FDFT1: variants seen among roughly 807,000 people sequenced by gnomAD.
FDFT1 encodes the protein farnesyl-diphosphate farnesyltransferase 1.
A neutral mutation model predicts 46.8 loss-of-function variants in FDFT1; 68 were observed. That is an observed-to-expected ratio of 1.45 (90% confidence interval 1.19 to 1.78). The LOEUF is 1.78. Among genes scored for constraint, FDFT1 ranks in the 40% most tolerant of loss-of-function variants. The pLI, the probability that FDFT1 is intolerant of heterozygous loss-of-function variation, is 0.00. For missense variants in FDFT1, 928 were observed against 524.4 expected (o/e 1.77, Z -7.52); for synonymous variants, 351 against 185.1 (o/e 1.90, Z -7.28).
intron 5 of FDFT1, among the ~76,000 whole-genome samples, chr8:11,826,630 ATC>A (rs2130845421): frequency 6.6e-6 from 1 of 152,320 alleles, no homozygotes; most frequent in Admixed American, 6.5e-5. Flanking sequence ...CCTGGCCAAC[ATC>A]GTGAAACCCC....
intron 3 of FDFT1, among the ~76,000 whole-genome samples, chr8:11,815,422 C>G (rs539322874): frequency 2.0e-5 from 3 of 152,162 alleles, no homozygotes; most frequent in African/African-American, 4.8e-5. Flanking sequence ...ATTTCTAGTT[C>G]TAGATCCTTG....
intron 3 of FDFT1, among the ~76,000 whole-genome samples, chr8:11,812,964 A>G (rs1563308791): frequency 6.6e-6 from 1 of 152,214 alleles, no homozygotes; most frequent in East Asian, 1.9e-4. Context: ...TTCTGTGAAC[A>G]TCATAGAGTG....
At chr8:11,833,993 T>C (rs771856183) in intron 7 of FDFT1, among the ~76,000 whole-genome samples, 1 of 152,258 alleles carries the variant, frequency 6.6e-6, no homozygotes, top group Non-Finnish European at 1.5e-5. Context: ...AGTAAAGTTT[T>C]AAATGAAAAC....
chr8:11,796,999 G>A (rs1446359247), intron 1 of FDFT1, among the ~76,000 whole-genome samples: 1 of 152,238 alleles, frequency 6.6e-6, no homozygotes, highest in Non-Finnish European at 1.5e-5. Context: ...ATTGCACGCA[G>A]ATTAAAGGAC....
At chr8:11,836,329 C>A (rs963910305) in intron 7 of FDFT1, among the ~76,000 whole-genome samples, 2 of 152,212 alleles carry the variant, frequency 1.3e-5, no homozygotes, top group African/African-American at 4.8e-5. Flanking sequence ...TGGCCTTCGG[C>A]CACTGCTGTA....
chr8:11,836,231 C>T (rs1811521324), intron 7 of FDFT1, among the ~76,000 whole-genome samples: 3 of 151,972 alleles, frequency 2.0e-5, no homozygotes, highest in Admixed American at 1.3e-4. Flanking sequence ...GTAGTGAATG[C>T]CTATTTTATG....
chr8:11,803,521 C>G (rs549101028), intron 1 of FDFT1: 1 of 1,205,904 alleles, frequency 8.3e-7, no homozygotes. Flanking sequence ...GGTGGAAGGT[C>G]AGAACTTGGT....
rs1279825603 is a variant in FDFT1, at chr8:11,818,647, G to GTT, written c.382-3101_382-3100dup. ...TCTTTGTCTCTTTTGATCTTAGTTG[G>GTT]TTTAAAGTCTGTTTTATTAGAGACT... On this transcript the variant is annotated intron_variant, in intron 3 of 7. Coordinates refer to ENST00000220584, the MANE Select transcript of FDFT1 (RefSeq NM_004462.5). Among the ~76,000 whole-genome samples the GTT allele has an allele frequency of 2.0e-5, 3 of 151,406 alleles. No individual in the cohort carries two copies. The East Asian group carries it at 5.8e-4, about 29-fold the overall frequency.
chr8:11,832,910 CCT>C (rs1038189870), intron 7 of FDFT1, among the ~76,000 whole-genome samples: 19 of 152,152 alleles, frequency 1.2e-4, no homozygotes, highest in African/African-American at 4.1e-4. Context: ...GTCTAGTCCC[CCT>C]GTTACGCGTT....
At chr8:11,833,667 T>A (rs566849417) in intron 7 of FDFT1, among the ~76,000 whole-genome samples, 1 of 152,230 alleles carries the variant, frequency 6.6e-6, no homozygotes, top group African/African-American at 2.4e-5. Flanking sequence ...ATAAATGTTA[T>A]CAGAACACAG....
rs891849358 is a variant in FDFT1, at chr8:11,803,184, C to T, written c.99+253C>T. On this transcript the variant is annotated intron_variant, in intron 1 of 7. Coordinates refer to ENST00000220584, the MANE Select transcript of FDFT1 (RefSeq NM_004462.5). ...ACTTTTGCGTGGTTCCCGGTGGTTG[C>T]GCTCCCCGTTTCGTCCCCTCCGTGA... is the stretch of plus-strand genomic sequence containing the variant. The T allele has an allele frequency of 2.1e-5, 29 of 1,412,158 alleles. No individual in the cohort carries two copies. The South Asian group carries it at 3.7e-4, about 18-fold the overall frequency. 87.5% of individuals were successfully genotyped at this position (1,412,158 alleles called of 1,614,324 possible). A position where few individuals can be genotyped will look rare whatever the true frequency, so the allele number is the denominator to read the frequency against.
chr8:11,836,394 C>T (rs1305136046), intron 7 of FDFT1, among the ~76,000 whole-genome samples: 5 of 152,260 alleles, frequency 3.3e-5, no homozygotes, highest in Admixed American at 6.5e-5. Flanking sequence ...AGACCTCTCG[C>T]TTCCTGCCCT....
intron 3 of FDFT1, among the ~76,000 whole-genome samples, chr8:11,819,336 G>A (rs1018675310): frequency 5.3e-5 from 8 of 152,032 alleles, no homozygotes; most frequent in Non-Finnish European, 8.8e-5. Flanking sequence ...TTGGGATTGC[G>A]CTTCTCGAGG....
intron 2 of FDFT1, 199 bp downstream of exon 2, chr8:11,809,090 C>A: frequency 2.3e-6 from 3 of 1,280,634 alleles, no homozygotes; most frequent in Non-Finnish European, 3.0e-6. Flanking sequence ...CCCTGCGGGC[C>A]CAGCCTTTCA....
rs554395145 is a variant in FDFT1, at chr8:11,831,451, C to T, written c.880-67C>T. On this transcript the variant is annotated intron_variant, in intron 6 of 7. Transcript: ENST00000220584. ...CCCATTCAACAGAAGGTTTTCTTAC[C>T]TTTTTGTGATAATGATAGCTAACGA... 136 of 1,461,464 alleles carry T rather than the reference C, an allele frequency of 9.3e-5. No individual in the cohort carries two copies. The African/African-American group carries it at 1.3e-3, about 14-fold the overall frequency. 90.5% of individuals were successfully genotyped at this position (1,461,464 alleles called of 1,614,324 possible).
rs1159735642 is a variant in FDFT1, at chr8:11,803,421, A to G, written c.99+490A>G. ...CCGCCTTGCTGCCTTCCATCGCTTC[A>G]TCCTCGGTGCTTCCTGAGTTTTAAA... On this transcript the variant is annotated intron_variant, in intron 1 of 7. Coordinates refer to ENST00000220584, the MANE Select transcript of FDFT1 (RefSeq NM_004462.5). 4.7e-6 allele frequency: 6 copies of G among 1,288,270 alleles called. No homozygotes were observed. In the Admixed American group the frequency reaches 6.9e-5, roughly 15 times the overall value. 79.8% of individuals were successfully genotyped at this position (1,288,270 alleles called of 1,614,324 possible).
At position 11,808,804 on chromosome 8, in the gene FDFT1, G is replaced by A. The variant is rs558707651; in HGVS notation, c.110G>A (p.Ser37Asn). 7.9e-5 allele frequency: 128 copies of A among 1,613,538 alleles called. No homozygotes were observed. In the South Asian group the frequency reaches 1.3e-3, roughly 16 times the overall value. Reference sequence around the variant, plus strand: ...GTTGTCTGCCCGCAGGACTCGCTCAGCAGCAGCCTGAAAACTTGCTACAAG... The same window carrying A: ...GTTGTCTGCCCGCAGGACTCGCTCAACAGCAGCCTGAAAACTTGCTACAAG... ...VMPKMDQDSL[S>N]SSLKTCYKYL... The change falls in exon 2 of 8, where the codon AGC becomes AAC. Residue 37 changes from serine to asparagine, a missense_variant. Physicochemically the swap from Ser to Asn is conservative, Grantham distance 46. Transcript: ENST00000220584.
At chr8:11,797,711 A>G (rs1214578841), upstream of FDFT1, among the ~76,000 whole-genome samples, 2 of 151,388 alleles carry the variant, frequency 1.3e-5, no homozygotes, top group Non-Finnish European at 3.0e-5. Flanking sequence ...AGGAGAGGCC[A>G]GGAAACACCA....
chr8:11,833,187 A>T (rs1811085733), intron 7 of FDFT1, among the ~76,000 whole-genome samples: 1 of 151,822 alleles, frequency 6.6e-6, no homozygotes. Flanking sequence ...TACCAATGAG[A>T]CTCTCCATTT....
Sources: gnomAD v4.1 joint callset for allele counts (sites outside exome capture counted in the v4.1 genomes callset) on GRCh38, gnomAD v4.1.1 for gene constraint, MANE v1.5 for transcripts, NCBI Gene and HGNC (gene_info 2026-07-23, HGNC 2026-07-21) for gene names.